The following MROH9 variants were observed in gnomAD, a reference collection of about 807,000 sequenced individuals.
MROH9 encodes the protein maestro heat like repeat family member 9.
A neutral mutation model predicts 98.2 loss-of-function variants in MROH9; 92 were observed. That is an observed-to-expected ratio of 0.94 (90% confidence interval 0.79 to 1.11). The LOEUF (loss-of-function observed/expected upper bound fraction) is 1.11. MROH9 is among the 50% of genes most tolerant of loss of function. The probability of loss-of-function intolerance (pLI) is 0.00; values close to 1 mark genes in which losing one functional copy is unlikely to be tolerated. For missense variants in MROH9, 1,057 were observed against 1,014.8 expected (o/e 1.04, Z -0.57); for synonymous variants, 397 against 368.9 (o/e 1.08, Z -0.87).
chr1:170,950,699 C>A lies in MROH9; in HGVS notation c.72+3126C>A, dbSNP rs1300342161. ...TGTATTACCTTTTTATATGTTCAAA[C>A]AAATAAATAAGGTATACTACTTTAA... On this transcript the variant is annotated intron_variant, in intron 3 of 21. Coordinates refer to ENST00000367759, the MANE Select transcript of MROH9 (RefSeq NM_001163629.2). Among the ~76,000 whole-genome samples, 3 of 152,134 alleles carry A rather than the reference C, an allele frequency of 2.0e-5. No individual in the cohort carries two copies. In the East Asian group the frequency reaches 5.8e-4, roughly 29 times the overall value.
intron 1 of MROH9, among the ~76,000 whole-genome samples, chr1:170,939,855 G>A (rs1571431286): frequency 6.6e-6 from 1 of 152,172 alleles, no homozygotes; most frequent in Non-Finnish European, 1.5e-5. Flanking sequence ...CTGCAGAGGA[G>A]AGTAAGGCTT....
chr1:171,005,626 AT>A (rs1365289218), intron 15 of MROH9, among the ~76,000 whole-genome samples: 2 of 152,112 alleles, frequency 1.3e-5, no homozygotes, highest in Non-Finnish European at 2.9e-5. Flanking sequence ...TTTATTTTGT[AT>A]TCTGCAGCTT....
intron 1 of MROH9, among the ~76,000 whole-genome samples, chr1:170,936,059 C>A (rs1648869734): frequency 1.3e-5 from 2 of 149,980 alleles, no homozygotes; most frequent in Non-Finnish European, 3.0e-5. Context: ...AGAAATCTTG[C>A]CAAAGTTGGC....
At position 170,935,571 on chromosome 1, in the gene MROH9, A is replaced by C. The variant is rs1362333621; in HGVS notation, c.-54A>C. On this transcript the variant is annotated 5_prime_UTR_variant, in exon 1 of 22. Transcript: ENST00000367759. ...CACTACTTTGTCTCACCGTGATTAC[A>C]GAGAAGTTACAAATATGTAAGTGAA... 1 of 152,258 alleles carries C rather than the reference A, an allele frequency of 6.6e-6. No individual in the cohort carries two copies. The highest frequency in any genetic ancestry group is 1.5e-5 in the Non-Finnish European group (1 of 68,050). 9.4% of individuals were successfully genotyped at this position (152,258 alleles called of 1,614,324 possible).
chr1:171,040,313 A>G (rs1653256589), intron 20 of MROH9, among the ~76,000 whole-genome samples: 1 of 152,056 alleles, frequency 6.6e-6, no homozygotes, highest in Non-Finnish European at 1.5e-5. Context: ...TGAAAACTGT[A>G]CTTAATAATA....
chr1:171,045,725 T>TA (rs747776475), intron 20 of MROH9, among the ~76,000 whole-genome samples: 1 of 152,176 alleles, frequency 6.6e-6, no homozygotes, highest in East Asian at 1.9e-4. Context: ...AGTCTATCTG[T>TA]AAAAAATAAT....
At chr1:170,935,982 C>CAAAAA (rs59883013) in intron 1 of MROH9, among the ~76,000 whole-genome samples, 2,113 of 60,736 alleles carry the variant, frequency 0.035, no homozygotes, top group Non-Finnish European at 0.049. Context: ...CAGAGTGAGA[C>CAAAAA]AAAAAAAAAA....
chr1:171,025,899 A>G (rs986118620), intron 20 of MROH9, among the ~76,000 whole-genome samples: 1 of 152,204 alleles, frequency 6.6e-6, no homozygotes, highest in Admixed American at 6.5e-5. Context: ...TTTTTATATC[A>G]GACAAACCTG....
At chr1:170,954,222 A>G (rs1649675385) in intron 3 of MROH9, among the ~76,000 whole-genome samples, 1 of 152,146 alleles carries the variant, frequency 6.6e-6, no homozygotes, top group Admixed American at 6.6e-5. Context: ...TCTCTGAGAA[A>G]TTATACTACA....
chr1:170,982,781 G>T (rs1650985029), intron 8 of MROH9, among the ~76,000 whole-genome samples: 1 of 152,096 alleles, frequency 6.6e-6, no homozygotes, highest in Admixed American at 6.6e-5. Context: ...TGCAATCCCA[G>T]CTACTGGGGA....
At chr1:171,054,787 T>C (rs1653776148) in intron 20 of MROH9, among the ~76,000 whole-genome samples, 1 of 152,016 alleles carries the variant, frequency 6.6e-6, no homozygotes, top group South Asian at 2.1e-4. Flanking sequence ...AAAATGCAAA[T>C]CAGAACCACA....
intron 20 of MROH9, among the ~76,000 whole-genome samples, chr1:171,025,934 TCTCA>T (rs913977309): frequency 6.6e-6 from 1 of 152,190 alleles, no homozygotes; most frequent in Non-Finnish European, 1.5e-5. Context: ...CTGTACTAGC[TCTCA>T]CTGTGAAAAT....
chr1:171,041,226 A>T (rs1048459059), intron 20 of MROH9, among the ~76,000 whole-genome samples: 3 of 151,552 alleles, frequency 2.0e-5, no homozygotes, highest in African/African-American at 4.8e-5. Context: ...TAAGTGAGAA[A>T]ATGTGGTTTT....
At chr1:171,027,765 T>A (rs1652768687) in intron 20 of MROH9, among the ~76,000 whole-genome samples, 1 of 152,250 alleles carries the variant, frequency 6.6e-6, no homozygotes, top group Non-Finnish European at 1.5e-5. Context: ...TGTGAGATGG[T>A]ATCTCATTAT....
At chr1:170,965,949 A>G (rs752060605) in intron 7 of MROH9, among the ~76,000 whole-genome samples, 3 of 152,122 alleles carry the variant, frequency 2.0e-5, no homozygotes, top group Non-Finnish European at 4.4e-5. Context: ...TACAGTATAT[A>G]GCCCATAGTT....
chr1:171,003,945 TC>T (rs796145731), intron 15 of MROH9, among the ~76,000 whole-genome samples: 2 of 151,088 alleles, frequency 1.3e-5, no homozygotes, highest in African/African-American at 4.9e-5. Context: ...GGGGTGAGAG[TC>T]CCAAGTCACT....
chr1:171,046,508 A>G (rs1031865010), intron 20 of MROH9, among the ~76,000 whole-genome samples: 1 of 152,192 alleles, frequency 6.6e-6, no homozygotes, highest in African/African-American at 2.4e-5. Context: ...AGTCTTATAA[A>G]CCATTATGTT....
intron 20 of MROH9, among the ~76,000 whole-genome samples, chr1:171,055,989 A>T (rs998716577): frequency 1.3e-4 from 20 of 152,180 alleles, no homozygotes; most frequent in Non-Finnish European, 2.4e-4. Context: ...ATTTTTCCAC[A>T]GAACTATGAA....
chr1:170,987,537 A>T (rs557973705), intron 10 of MROH9, among the ~76,000 whole-genome samples: 1 of 152,300 alleles, frequency 6.6e-6, no homozygotes, highest in Admixed American at 6.5e-5. Flanking sequence ...TTGCTATTTA[A>T]CGTCTTTCTA....
Sources: gnomAD v4.1 joint callset for allele counts (sites outside exome capture counted in the v4.1 genomes callset) on GRCh38, gnomAD v4.1.1 for gene constraint, MANE v1.5 for transcripts, NCBI Gene and HGNC (gene_info 2026-07-23, HGNC 2026-07-21) for gene names.